Variants in NEMP2 observed in about 807,000 individuals in gnomAD.
NEMP2 encodes the protein UPF0571 transmembrane protein.
A neutral mutation model predicts 54.2 loss-of-function variants in NEMP2; 53 were observed. The ratio of observed to expected loss-of-function variants is 0.98; its 90% CI spans 0.78 to 1.23. NEMP2 has a LOEUF of 1.23. Among genes scored for constraint, NEMP2 ranks in the 50% most tolerant of loss-of-function variants. The pLI is 0.00. For synonymous variants in NEMP2, 197 were observed against 190.3 expected (o/e 1.04, Z -0.29); for missense variants, 455 against 511.3 (o/e 0.89, Z 1.06).
chr2:190,439,407 C>T, the NEMP2 span, among the ~76,000 whole-genome samples: 13 of 151,848 alleles, frequency 8.6e-5, no homozygotes, highest in East Asian at 7.7e-4. This position sits in a 1 kb window ranked among gnomAD's most constrained non-coding sequence, Gnocchi z 5.8. Context: ...TTAGGGTACA[C>T]GTGCACAACG....
chr2:190,458,598 C>G, the NEMP2 span, among the ~76,000 whole-genome samples: 1 of 152,176 alleles, frequency 6.6e-6, no homozygotes, highest in Non-Finnish European at 1.5e-5. The surrounding 1 kb of genome is among the most constrained non-coding windows in gnomAD (Gnocchi z 5.3). Flanking sequence ...AGATTCCCTT[C>G]CCCCCGAGTG....
At chr2:190,542,663 G>A in the NEMP2 span, among the ~76,000 whole-genome samples, 1 of 151,834 alleles carries the variant, frequency 6.6e-6, no homozygotes, top group African/African-American at 2.4e-5. This position sits in a 1 kb window ranked among gnomAD's most constrained non-coding sequence, Gnocchi z 4.6. Context: ...CTATTCTGCT[G>A]TTGAGAACCA....
At chr2:190,605,121 T>C in the NEMP2 span, among the ~76,000 whole-genome samples, 1 of 152,156 alleles carries the variant, frequency 6.6e-6, no homozygotes, top group Admixed American at 6.5e-5. Flanking sequence ...ATCCTAACTT[T>C]TCTCTCACTG....
chr2:190,468,453 A>T, the NEMP2 span, among the ~76,000 whole-genome samples: 221 of 140,036 alleles, frequency 1.6e-3, no homozygotes, highest in Middle Eastern at 7.5e-3. Flanking sequence ...ATAGGAATGA[A>T]TTTTTTTTTT....
the NEMP2 span, among the ~76,000 whole-genome samples, chr2:190,640,447 C>T: frequency 6.6e-6 from 1 of 152,278 alleles, no homozygotes; most frequent in African/African-American, 2.4e-5. Context: ...AACCCTTATT[C>T]TGCCACTATG....
chr2:190,479,432 G>C, the NEMP2 span, among the ~76,000 whole-genome samples: 1 of 152,112 alleles, frequency 6.6e-6, no homozygotes, highest in Non-Finnish European at 1.5e-5. Context: ...GCTGGATGGT[G>C]GTGGTGGTGA....
chr2:190,563,533 A>G, the NEMP2 span, among the ~76,000 whole-genome samples: 1 of 152,044 alleles, frequency 6.6e-6, no homozygotes, highest in Non-Finnish European at 1.5e-5. This position sits in a 1 kb window ranked among gnomAD's most constrained non-coding sequence, Gnocchi z 4.3. Flanking sequence ...TTATGCTTAG[A>G]TTATTTTTTC....
chr2:190,496,716 GA>G, the NEMP2 span, among the ~76,000 whole-genome samples: 1 of 152,120 alleles, frequency 6.6e-6, no homozygotes, highest in South Asian at 2.1e-4. The surrounding 1 kb of genome is among the most constrained non-coding windows in gnomAD (Gnocchi z 4.7). Flanking sequence ...ATACACAATG[GA>G]ATACTACTCA....
In NEMP2 at chr2:190,509,229, G is replaced by A; in HGVS notation, c.1214C>T (p.Ala405Val). The change falls in exon 9 of 9, where the codon GCC becomes GTC. Residue 405 changes from alanine to valine, a missense_variant. By Grantham distance (64) the Ala-to-Val change is moderately conservative (BLOSUM62 0). This residue lies in a region of NEMP2 where 294 missense variants were observed against 333.6 expected (regional missense o/e 0.88). Coordinates refer to ENST00000409150, the MANE Select transcript of NEMP2 (RefSeq NM_001142645.2). This position sits in a 1 kb window ranked among gnomAD's most constrained non-coding sequence, Gnocchi z 6.1. ...GTTAAAGAGCTGCTCTTCCAAGAAGGCACCCCCAAGGCCATACTGCTCTTC... is the reference window on the plus strand; with the variant it reads ...GTTAAAGAGCTGCTCTTCCAAGAAGACACCCCCAAGGCCATACTGCTCTTC... ...LHEEQYGLGG[A>V]FLEEQLFNPS... 1 of 1,551,612 alleles carries A rather than the reference G, an allele frequency of 6.4e-7. No individual in the cohort carries two copies. The highest frequency in any genetic ancestry group is 8.7e-7 in the Non-Finnish European group (1 of 1,146,984).
In NEMP2 at chr2:190,504,878, T is replaced by C. The variant is rs554322799; in HGVS notation, c.*4311A>G. On this transcript the variant is annotated 3_prime_UTR_variant, in exon 9 of 9. Coordinates refer to ENST00000409150, the MANE Select transcript of NEMP2 (RefSeq NM_001142645.2). The surrounding 1 kb of genome is among the most constrained non-coding windows in gnomAD (Gnocchi z 5.6). ...AAACTACTGCTGGTATGTGACAACA[T>C]AGAAATTAGACATTTCAAAATATGT... The C allele has an allele frequency of 3.3e-5, 5 of 152,350 alleles. No homozygotes were observed. The East Asian group carries it at 5.8e-4, about 18-fold the overall frequency. 9.4% of individuals were successfully genotyped at this position (152,350 alleles called of 1,614,324 possible).
At chr2:190,588,065 G>GA in the NEMP2 span, among the ~76,000 whole-genome samples, 3 of 152,112 alleles carry the variant, frequency 2.0e-5, no homozygotes, top group East Asian at 1.9e-4. This position sits in a 1 kb window ranked among gnomAD's most constrained non-coding sequence, Gnocchi z 5.0. Flanking sequence ...AGCTTATTAA[G>GA]AAAAAATGGC....
the NEMP2 span, among the ~76,000 whole-genome samples, chr2:190,569,844 CACATG>C: frequency 0.15 from 22,536 of 152,196 alleles, 1,876 homozygotes; most frequent in Middle Eastern, 0.22. Flanking sequence ...ATAATTTACT[CACATG>C]ACTTTTCTCA....
At chr2:190,497,794 C>T in the NEMP2 span, 1 of 1,463,988 alleles carries the variant, frequency 6.8e-7, no homozygotes, top group Non-Finnish European at 9.3e-7. This position sits in a 1 kb window ranked among gnomAD's most constrained non-coding sequence, Gnocchi z 5.2. Flanking sequence ...TTTAATTACT[C>T]ACTTTTCATT....
the NEMP2 span, among the ~76,000 whole-genome samples, chr2:190,456,014 C>T: frequency 8.8e-5 from 12 of 136,216 alleles, no homozygotes; most frequent in Non-Finnish European, 1.5e-4. The surrounding 1 kb of genome is among the most constrained non-coding windows in gnomAD (Gnocchi z 5.4). Flanking sequence ...GATCTCGGCT[C>T]ACTGCAACCT....
Position 190,520,788 on chromosome 2 carries a change from C to T in NEMP2, c.214-1605G>A, listed in dbSNP as rs1427490895. On this transcript the variant is annotated intron_variant, in intron 2 of 8. Coordinates refer to ENST00000409150, the MANE Select transcript of NEMP2 (RefSeq NM_001142645.2). This position sits in a 1 kb window ranked among gnomAD's most constrained non-coding sequence, Gnocchi z 5.4. ...CCTCCATACATTGTGTTTCATTCAT[C>T]TCACTGTGTGACCACCATCTCCTAT... is the stretch of plus-strand genomic sequence containing the variant. Among the ~76,000 whole-genome samples the T allele has an allele frequency of 6.6e-6, 1 of 152,128 alleles. No individual in the cohort carries two copies. The highest frequency in any genetic ancestry group is 1.5e-5 in the Non-Finnish European group (1 of 68,024).
chr2:190,479,822 T>G, the NEMP2 span, among the ~76,000 whole-genome samples: 3 of 152,214 alleles, frequency 2.0e-5, no homozygotes, highest in African/African-American at 7.2e-5. Context: ...TAGGATGCTC[T>G]ATCAGTGGGA....
At chr2:190,491,347 G>A in the NEMP2 span, among the ~76,000 whole-genome samples, 1 of 152,172 alleles carries the variant, frequency 6.6e-6, no homozygotes, top group East Asian at 1.9e-4. The surrounding 1 kb of genome is among the most constrained non-coding windows in gnomAD (Gnocchi z 4.2). Context: ...CAGAACTACT[G>A]CAGGAATATA....
chr2:190,544,903 C>A, the NEMP2 span, among the ~76,000 whole-genome samples: 1 of 135,504 alleles, frequency 7.4e-6, no homozygotes, highest in South Asian at 2.4e-4. Flanking sequence ...GCCTAGTCAC[C>A]ATAGTGAGAC....
At chr2:190,548,755 A>G in the NEMP2 span, among the ~76,000 whole-genome samples, 6 of 152,254 alleles carry the variant, frequency 3.9e-5, no homozygotes, top group Non-Finnish European at 8.8e-5. Flanking sequence ...GCTATACAAA[A>G]ATAAATGTGT....
Sources: gnomAD v4.1 joint callset for allele counts (sites outside exome capture counted in the v4.1 genomes callset) on GRCh38, gnomAD v4.1.1 for gene constraint, gnomAD v4.1.1 regional missense constraint, Gnocchi (gnomAD v3.1) non-coding constraint, MANE v1.5 for transcripts, NCBI Gene and HGNC (gene_info 2026-07-23, HGNC 2026-07-21) for gene names.